Variants in PDE10A observed in about 807,000 individuals in gnomAD.
PDE10A encodes the protein phosphodiesterase 10A.
Under a neutral mutation model 97.7 loss-of-function variants are expected in PDE10A, and 39 were observed. The observed-to-expected ratio is 0.40, with a 90% CI of 0.31 to 0.52. PDE10A has a LOEUF of 0.52. Ranked by LOEUF, PDE10A falls within the 20% of genes least tolerant of loss-of-function variation. The pLI, the probability that PDE10A is intolerant of heterozygous loss-of-function variation, is 0.56. For missense variants in PDE10A, 731 were observed against 1,047.8 expected, an observed-to-expected ratio of 0.70 and a Z score of 4.17; for synonymous variants, 371 against 376.8, an observed-to-expected ratio of 0.98 and a Z score of 0.18.
At chr6:165,623,506 G>GA (rs113415096) in intron 1 of PDE10A, among the ~76,000 whole-genome samples, 30,401 of 145,664 alleles carry the variant, frequency 0.21, 3,141 homozygotes, top group Middle Eastern at 0.26. Context: ...GAGAGAGAGA[G>GA]AGAAAAAAAA....
At chr6:165,851,694 T>C (rs1273788825) in intron 1 of PDE10A, among the ~76,000 whole-genome samples, 1 of 152,100 alleles carries the variant, frequency 6.6e-6, no homozygotes, top group East Asian at 1.9e-4. Flanking sequence ...CAGGCAGAAA[T>C]GGGAGAGTGG....
At chr6:165,493,977 A>C (rs1298298207) in intron 2 of PDE10A, among the ~76,000 whole-genome samples, 3 of 152,146 alleles carry the variant, frequency 2.0e-5, no homozygotes, top group Non-Finnish European at 1.5e-5. Flanking sequence ...GCAAGAAAAA[A>C]AAAAACAATC....
intron 1 of PDE10A, among the ~76,000 whole-genome samples, chr6:165,926,232 G>A (rs955658278): frequency 2.6e-5 from 4 of 152,130 alleles, no homozygotes; most frequent in African/African-American, 7.2e-5. Flanking sequence ...CCCAAGCCAA[G>A]GCAGGACCTG....
At chr6:165,457,236 T>C (rs1435251294) in intron 3 of PDE10A, among the ~76,000 whole-genome samples, 1 of 152,228 alleles carries the variant, frequency 6.6e-6, no homozygotes, top group East Asian at 1.9e-4. Flanking sequence ...ACAGCATTTT[T>C]AACTTCATAA....
rs1320239598 is a variant in PDE10A at position 165,400,247 on chromosome 6, AAC to A, written c.2077-3790_2077-3789del. 5.3e-5 allele frequency among the ~76,000 whole-genome samples: 8 copies of A among 152,252 alleles called. 1 individual carries two copies. The East Asian group carries it at 1.5e-3, about 29-fold the overall frequency. ...AACTATAAAACTTCTAGAAAAAAAA[AAC>A]AGAGGAGAAATGTCTTAACGACCTT... On this transcript the variant is annotated intron_variant, in intron 13 of 21. Coordinates refer to ENST00000539869, the MANE Select transcript of PDE10A (RefSeq NM_001385079.1).
intron 2 of PDE10A, among the ~76,000 whole-genome samples, chr6:165,505,944 A>G (rs1471793130): frequency 1.3e-5 from 2 of 152,190 alleles, no homozygotes. Flanking sequence ...TATAAACAAT[A>G]AAACAATACC....
intron 1 of PDE10A, among the ~76,000 whole-genome samples, chr6:165,726,700 C>T (rs1244455214): frequency 6.6e-6 from 1 of 152,228 alleles, no homozygotes; most frequent in East Asian, 1.9e-4. Flanking sequence ...GCACTGAGAA[C>T]CAGCTTCCTG....
chr6:165,603,317 T>C (rs1439521087), intron 1 of PDE10A, among the ~76,000 whole-genome samples: 3 of 152,220 alleles, frequency 2.0e-5, no homozygotes, highest in Non-Finnish European at 4.4e-5. Context: ...TTTATCGTTA[T>C]TTTAGCACTG....
intron 1 of PDE10A, among the ~76,000 whole-genome samples, chr6:165,545,760 T>C (rs1783708781): frequency 6.6e-6 from 1 of 151,986 alleles, no homozygotes; most frequent in Admixed American, 6.5e-5. Context: ...AAACTGACAG[T>C]ACCAATTGTT....
chr6:165,451,076 C>T (rs1263700966), intron 3 of PDE10A, among the ~76,000 whole-genome samples: 1 of 152,016 alleles, frequency 6.6e-6, no homozygotes, highest in African/African-American at 2.4e-5. Context: ...AAACAAGTGC[C>T]CTCTGTGCCA....
At chr6:165,977,904 CTTAGCA>C (rs1784897157) in intron 1 of PDE10A, among the ~76,000 whole-genome samples, 1 of 152,174 alleles carries the variant, frequency 6.6e-6, no homozygotes, top group South Asian at 2.1e-4. Flanking sequence ...CAGAATATTA[CTTAGCA>C]CTTAAAAAGA....
At chr6:165,410,644 C>G (rs1787676492) in intron 13 of PDE10A, among the ~76,000 whole-genome samples, 1 of 152,020 alleles carries the variant, frequency 6.6e-6, no homozygotes, top group Non-Finnish European at 1.5e-5. Flanking sequence ...AACCTGCAGA[C>G]AGGACCTTTC....
At chr6:165,505,918 G>GTAAC (rs1183998695) in intron 2 of PDE10A, among the ~76,000 whole-genome samples, 1 of 151,974 alleles carries the variant, frequency 6.6e-6, no homozygotes, top group Non-Finnish European at 1.5e-5. Flanking sequence ...TATTCTAAAA[G>GTAAC]TAACATGCAT....
At chr6:165,587,348 C>T (rs1403752334) in intron 1 of PDE10A, among the ~76,000 whole-genome samples, 3 of 152,126 alleles carry the variant, frequency 2.0e-5, no homozygotes, top group Non-Finnish European at 4.4e-5. Flanking sequence ...TACCAAAACC[C>T]AGCTCTTGAA....
At chr6:165,765,696 T>C (rs1038068031) in intron 1 of PDE10A, among the ~76,000 whole-genome samples, 2 of 151,914 alleles carry the variant, frequency 1.3e-5, no homozygotes, top group East Asian at 1.9e-4. Flanking sequence ...GCTGAGGGAG[T>C]GGGCTCCCGC....
chr6:165,520,052 G>A (rs1782041924), intron 2 of PDE10A, among the ~76,000 whole-genome samples: 1 of 152,162 alleles, frequency 6.6e-6, no homozygotes, highest in Non-Finnish European at 1.5e-5. Context: ...AAACATAGGA[G>A]CACCAAGCTG....
At chr6:165,623,506 G>A (rs201525927) in intron 1 of PDE10A, among the ~76,000 whole-genome samples, 8 of 145,812 alleles carry the variant, frequency 5.5e-5, no homozygotes, top group Admixed American at 2.0e-4. Flanking sequence ...GAGAGAGAGA[G>A]AGAAAAAAAA....
chr6:165,622,202 T>C (rs544309979), intron 1 of PDE10A, among the ~76,000 whole-genome samples: 15 of 152,300 alleles, frequency 9.8e-5, no homozygotes, highest in African/African-American at 3.6e-4. Flanking sequence ...GCTGGCCTCC[T>C]CAACCACGTG....
upstream of PDE10A, among the ~76,000 whole-genome samples, chr6:165,667,174 C>A (rs1434636966): frequency 6.6e-6 from 1 of 152,154 alleles, no homozygotes; most frequent in African/African-American, 2.4e-5. Flanking sequence ...CACTAATATT[C>A]CTAGATCTTC....
Sources: gnomAD v4.1 joint callset for allele counts (sites outside exome capture counted in the v4.1 genomes callset) on GRCh38, gnomAD v4.1.1 for gene constraint, MANE v1.5 for transcripts, NCBI Gene and HGNC (gene_info 2026-07-23, HGNC 2026-07-21) for gene names.